KCMF1: variants seen among roughly 807,000 people sequenced by gnomAD.
The protein encoded by KCMF1 is E3 ubiquitin-protein ligase KCMF1.
In KCMF1, 3 loss-of-function variants were observed where a neutral mutation model predicts 41.1. The ratio of observed to expected loss-of-function variants is 0.07; its 90% CI spans 0.03 to 0.19. The LOEUF (loss-of-function observed/expected upper bound fraction) is 0.19. KCMF1 is among the 10% of genes least tolerant of loss of function. KCMF1 has a pLI of 1.00. For synonymous variants in KCMF1, 142 were observed against 164.5 expected (o/e 0.86, Z 1.04); for missense variants, 286 against 488.9 (o/e 0.58, Z 3.91).
intron 6 of KCMF1, among the ~76,000 whole-genome samples, chr2:85,050,390 T>C (rs530809507): frequency 6.6e-6 from 1 of 152,308 alleles, no homozygotes; most frequent in East Asian, 1.9e-4. Context: ...CTAAAAAAGC[T>C]AGATTTAAAT....
chr2:84,974,631 T>C (rs377605736), intron 1 of KCMF1, among the ~76,000 whole-genome samples: 4 of 141,272 alleles, frequency 2.8e-5, no homozygotes, highest in African/African-American at 1.0e-4. Flanking sequence ...ATTAAAACTT[T>C]ATTTGTGGAC....
intron 2 of KCMF1, among the ~76,000 whole-genome samples, chr2:85,029,634 T>C (rs1675214558): frequency 2.0e-5 from 3 of 150,958 alleles, no homozygotes; most frequent in African/African-American, 7.3e-5. Flanking sequence ...CTACAGTTGA[T>C]TAGAAGACAT....
chr2:85,011,871 C>T (rs1674660654), intron 1 of KCMF1, among the ~76,000 whole-genome samples: 1 of 152,148 alleles, frequency 6.6e-6, no homozygotes, highest in African/African-American at 2.4e-5. Context: ...CATTCTTAGC[C>T]TCCCTGAAAT....
intron 3 of KCMF1, 64 bp from the exon 4 acceptor site, chr2:85,043,500 C>G (rs1675590504): frequency 1.1e-6 from 1 of 906,522 alleles, no homozygotes; most frequent in South Asian, 1.4e-5. Flanking sequence ...CAGCAGAATA[C>G]TCGTCCAGAA....
intron 1 of KCMF1, among the ~76,000 whole-genome samples, chr2:84,995,744 A>G (rs181332312): frequency 6.6e-5 from 10 of 152,362 alleles, no homozygotes; most frequent in Admixed American, 2.0e-4. Context: ...TGAGGCCAGG[A>G]GTTCAAAACA....
chr2:85,008,328 A>C (rs1381135963), intron 1 of KCMF1, among the ~76,000 whole-genome samples: 2 of 94,378 alleles, frequency 2.1e-5, no homozygotes, highest in Non-Finnish European at 4.3e-5. Context: ...TATCATATAT[A>C]ATATATAATA....
chr2:85,006,591 G>T (rs1459767663), intron 1 of KCMF1, among the ~76,000 whole-genome samples: 3 of 151,466 alleles, frequency 2.0e-5, no homozygotes, highest in African/African-American at 7.3e-5. Context: ...GAGCCACCGC[G>T]CCCGGCCCTC....
intron 5 of KCMF1, among the ~76,000 whole-genome samples, chr2:85,048,379 A>AT (rs1291577777): frequency 6.6e-6 from 1 of 151,990 alleles, no homozygotes; most frequent in Non-Finnish European, 1.5e-5. Flanking sequence ...TCTTCATTTG[A>AT]TTTTTTTTCT....
chr2:85,004,090 C>T (rs919659532), intron 1 of KCMF1, among the ~76,000 whole-genome samples: 1 of 152,186 alleles, frequency 6.6e-6, no homozygotes, highest in Non-Finnish European at 1.5e-5. Context: ...CCGAGTGGGA[C>T]AGTGCATGAT....
At chr2:84,993,650 A>G (rs1674100792) in intron 1 of KCMF1, among the ~76,000 whole-genome samples, 1 of 151,550 alleles carries the variant, frequency 6.6e-6, no homozygotes, top group African/African-American at 2.4e-5. Context: ...GTCTCGGCTC[A>G]CTGCACCCTC....
At chr2:85,031,785 A>G (rs1050509142) in intron 2 of KCMF1, among the ~76,000 whole-genome samples, 2 of 152,220 alleles carry the variant, frequency 1.3e-5, no homozygotes, top group African/African-American at 4.8e-5. Flanking sequence ...ACTGCCACCT[A>G]GGCTGGACTG....
intron 1 of KCMF1, among the ~76,000 whole-genome samples, chr2:84,998,375 A>G (rs928564465): frequency 6.6e-6 from 1 of 152,130 alleles, no homozygotes; most frequent in African/African-American, 2.4e-5. Flanking sequence ...GATTATAGGC[A>G]TGAGCCACCA....
chr2:85,009,721 C>T (rs1425461822), intron 1 of KCMF1, among the ~76,000 whole-genome samples: 1 of 152,264 alleles, frequency 6.6e-6, no homozygotes, highest in East Asian at 1.9e-4. Flanking sequence ...CCTCTGTTTT[C>T]AATAAAATAT....
intron 1 of KCMF1, among the ~76,000 whole-genome samples, chr2:85,016,782 T>C (rs960326349): frequency 6.6e-6 from 1 of 150,958 alleles, no homozygotes; most frequent in African/African-American, 2.4e-5. Context: ...AACCTCCACC[T>C]CCTGGATTCA....
At chr2:85,007,142 A>G (rs1467363272) in intron 1 of KCMF1, among the ~76,000 whole-genome samples, 2 of 150,686 alleles carry the variant, frequency 1.3e-5, no homozygotes, top group Non-Finnish European at 3.0e-5. Flanking sequence ...CATCTCATCC[A>G]CATGTCCATA....
chr2:84,973,305 A>C (rs1421901545), intron 1 of KCMF1, among the ~76,000 whole-genome samples: 1 of 152,208 alleles, frequency 6.6e-6, no homozygotes, highest in African/African-American at 2.4e-5. Flanking sequence ...GAGTAATTAA[A>C]ATCTCATATT....
chr2:85,012,358 A>C (rs190802790), intron 1 of KCMF1, among the ~76,000 whole-genome samples: 3 of 152,202 alleles, frequency 2.0e-5, no homozygotes, highest in Non-Finnish European at 4.4e-5. Context: ...TGCATTGTTA[A>C]TGAATATTAA....
chr2:85,054,217 TC>T lies in KCMF1; in HGVS notation c.*809del, dbSNP rs1675878098. 6.6e-6 allele frequency: 1 copy of T among 152,262 alleles called. No individual in the cohort carries two copies. The highest frequency in any genetic ancestry group is 1.5e-5 in the Non-Finnish European group (1 of 68,046). 9.4% of individuals were successfully genotyped at this position (152,262 alleles called of 1,614,324 possible). A position where few individuals can be genotyped will look rare whatever the true frequency, so the allele number is the denominator to read the frequency against. ...CTTTTTGTGGTTGTTTAAAATTTTT[TC>T]AATTGTTAAATATGTTTTATTCAGG... On this transcript the variant is annotated 3_prime_UTR_variant, in exon 7 of 7. Coordinates refer to ENST00000409785, the MANE Select transcript of KCMF1 (RefSeq NM_020122.5).
chr2:84,981,148 T>C (rs1292582635), intron 1 of KCMF1, among the ~76,000 whole-genome samples: 1 of 152,058 alleles, frequency 6.6e-6, no homozygotes, highest in African/African-American at 2.4e-5. Context: ...ATGAAGCATC[T>C]TGATATCATG....
Sources: gnomAD v4.1 joint callset for allele counts (sites outside exome capture counted in the v4.1 genomes callset) on GRCh38, gnomAD v4.1.1 for gene constraint, MANE v1.5 for transcripts, NCBI Gene and HGNC (gene_info 2026-07-23, HGNC 2026-07-21) for gene names.